LRRTM4: variants seen among roughly 807,000 people sequenced by gnomAD.
LRRTM4 encodes leucine rich repeat transmembrane neuronal 4.
LRRTM4 carries 25 observed loss-of-function variants against 47.6 expected under a neutral mutation model. That is an observed-to-expected ratio of 0.53 (90% CI 0.38 to 0.73). LRRTM4 has a LOEUF of 0.73. Among genes scored for constraint, LRRTM4 ranks in the 30% least tolerant of loss-of-function variants. The probability of loss-of-function intolerance (pLI) is 0.00; values close to 1 mark genes in which losing one functional copy is unlikely to be tolerated. For missense variants in LRRTM4, 638 were observed against 713.4 expected (o/e 0.89, Z 1.20); for synonymous variants, 311 against 269.5 (o/e 1.15, Z -1.51).
At chr2:76,994,108 A>G (rs1000342853) in intron 3 of LRRTM4, among the ~76,000 whole-genome samples, 4 of 151,768 alleles carry the variant, frequency 2.6e-5, no homozygotes, top group African/African-American at 7.2e-5. Context: ...ACTGCAGACA[A>G]TTAGAGGTGG....
At chr2:77,288,785 C>T (rs1676734844) in intron 3 of LRRTM4, among the ~76,000 whole-genome samples, 4 of 152,002 alleles carry the variant, frequency 2.6e-5, no homozygotes, top group Admixed American at 1.3e-4. Flanking sequence ...TATCCTGTTT[C>T]CCAATTTCCC....
intron 3 of LRRTM4, among the ~76,000 whole-genome samples, chr2:77,278,370 T>C (rs1232342864): frequency 2.0e-5 from 3 of 152,056 alleles, no homozygotes; most frequent in Non-Finnish European, 1.5e-5. Flanking sequence ...TCTTTGCATG[T>C]AACATTGTCC....
intron 3 of LRRTM4, among the ~76,000 whole-genome samples, chr2:77,082,132 G>T (rs553523091): frequency 1.3e-5 from 2 of 152,120 alleles, no homozygotes; most frequent in South Asian, 4.1e-4. Flanking sequence ...TTCATCTCTT[G>T]AAGACCTTTT....
chr2:76,988,997 A>G (rs954844324), intron 3 of LRRTM4, among the ~76,000 whole-genome samples: 1 of 151,902 alleles, frequency 6.6e-6, no homozygotes, highest in African/African-American at 2.4e-5. Context: ...TATGAAAACA[A>G]AAATGTGTCT....
chr2:76,937,593 G>C (rs912929291), intron 3 of LRRTM4, among the ~76,000 whole-genome samples: 7 of 152,158 alleles, frequency 4.6e-5, no homozygotes, highest in African/African-American at 1.4e-4. Context: ...TGTGTGAAAT[G>C]AGTCTTGCTC....
At chr2:77,264,823 T>C (rs769249904) in intron 3 of LRRTM4, among the ~76,000 whole-genome samples, 25 of 152,254 alleles carry the variant, frequency 1.6e-4, no homozygotes, top group Non-Finnish European at 3.4e-4. Context: ...CTAATAAGAA[T>C]TGCCTCTATG....
chr2:77,433,894 T>C (rs1432840225), intron 3 of LRRTM4, among the ~76,000 whole-genome samples: 1 of 152,182 alleles, frequency 6.6e-6, no homozygotes, highest in Non-Finnish European at 1.5e-5. Context: ...GGAATAGGTC[T>C]CTGATGGCTT....
In LRRTM4 at chr2:77,037,335, C is replaced by T. The variant is rs183690403; in HGVS notation, c.1552-288419G>A. 1.8e-4 allele frequency among the ~76,000 whole-genome samples: 28 copies of T among 151,778 alleles called. 1 individual carries two copies. In the East Asian group the frequency reaches 1.9e-3, roughly 10 times the overall value. ...TCACACTAGTGATCAAAGAATATGG[C>T]CCCCTATTATCTTTTGGTGAGTCTT... On this transcript the variant is annotated intron_variant, in intron 3 of 3. Coordinates refer to ENST00000409884, the MANE Select transcript of LRRTM4 (RefSeq NM_001134745.3).
chr2:77,282,746 G>A (rs59280409), intron 3 of LRRTM4, among the ~76,000 whole-genome samples: 1 of 151,686 alleles, frequency 6.6e-6, no homozygotes, highest in Admixed American at 6.6e-5. Context: ...AATGGGGAAA[G>A]GACTCCCTAG....
At chr2:77,029,079 T>TA (rs1159047284) in intron 3 of LRRTM4, among the ~76,000 whole-genome samples, 1 of 146,392 alleles carries the variant, frequency 6.8e-6, no homozygotes, top group African/African-American at 2.5e-5. Flanking sequence ...ATAATATATA[T>TA]ATATTATATA....
chr2:77,366,825 A>C (rs1007641538), intron 3 of LRRTM4, among the ~76,000 whole-genome samples: 4 of 151,778 alleles, frequency 2.6e-5, no homozygotes, highest in Admixed American at 6.6e-5. Context: ...TCTTCACAAC[A>C]TCCTGGGTCA....
intron 3 of LRRTM4, among the ~76,000 whole-genome samples, chr2:77,055,560 G>A (rs909772566): frequency 2.6e-5 from 4 of 152,166 alleles, no homozygotes; most frequent in Non-Finnish European, 5.9e-5. Context: ...GAGAGGATGT[G>A]GAGAAATAGG....
chr2:77,123,897 T>C (rs1257870351), intron 3 of LRRTM4, among the ~76,000 whole-genome samples: 1 of 152,040 alleles, frequency 6.6e-6, no homozygotes, highest in African/African-American at 2.4e-5. Context: ...GTTGGGAGGA[T>C]ATAAGAAAAT....
chr2:77,518,959 T>G lies in LRRTM4; in HGVS notation c.910A>C (p.Ile304Leu). Residue 304 changes from isoleucine (I) to leucine (L), a missense_variant, in exon 3 of 4, where the codon ATA becomes CTA. Transcript: ENST00000409884. ...ATATTTCCAGACAATGTGATGGATA[T>G]TAATGATATCCACGCATTGACAGTT... is the stretch of plus-strand genomic sequence containing the variant. Reference protein sequence around the residue: ...QETVNAWISLISITLSGNMWE... With the variant: ...QETVNAWISLLSITLSGNMWE... 6.2e-7 allele frequency: 1 copy of G among 1,611,728 alleles called. No individual in the cohort carries two copies. Among genetic ancestry groups the G allele is most frequent in the Non-Finnish European group, 8.5e-7 (1 of 1,178,852 alleles).
At chr2:77,166,066 C>T (rs1002239189) in intron 3 of LRRTM4, among the ~76,000 whole-genome samples, 8 of 152,124 alleles carry the variant, frequency 5.3e-5, no homozygotes, top group South Asian at 4.1e-4. Context: ...AAAACTCCAT[C>T]GTCTTAGCCC....
At chr2:77,259,665 G>C (rs1198172770) in intron 3 of LRRTM4, among the ~76,000 whole-genome samples, 1 of 152,020 alleles carries the variant, frequency 6.6e-6, no homozygotes, top group African/African-American at 2.4e-5. Context: ...CAAAGTGACT[G>C]TTCCCTAAGG....
chr2:76,948,346 T>C (rs1675390563), intron 3 of LRRTM4, among the ~76,000 whole-genome samples: 1 of 151,868 alleles, frequency 6.6e-6, no homozygotes, highest in Admixed American at 6.6e-5. Context: ...TGAACTCATG[T>C]GGGTTTTGTC....
chr2:76,962,470 A>G (rs1675892057), intron 3 of LRRTM4, among the ~76,000 whole-genome samples: 1 of 150,996 alleles, frequency 6.6e-6, no homozygotes, highest in African/African-American at 2.4e-5. Flanking sequence ...AGAGAGAGGT[A>G]TATGATTATT....
chr2:76,812,821 T>G (rs1670786050), intron 3 of LRRTM4, among the ~76,000 whole-genome samples: 1 of 112,896 alleles, frequency 8.9e-6, no homozygotes. Context: ...ATTCTTCCTC[T>G]TGCATTAAGG....
Sources: allele counts gnomAD v4.1 joint callset (sites outside exome capture counted in the v4.1 genomes callset), GRCh38; gene constraint gnomAD v4.1.1; transcripts MANE v1.5; gene names NCBI Gene and HGNC (gene_info 2026-07-23, HGNC 2026-07-21).